Variants in GRID2 observed in about 807,000 individuals in gnomAD.
The protein encoded by GRID2 is glutamate ionotropic receptor delta type subunit 2.
Under a neutral mutation model 114.8 loss-of-function variants are expected in GRID2, and 33 were observed. The observed-to-expected ratio is 0.29, with a 90% CI of 0.22 to 0.38. The LOEUF (loss-of-function observed/expected upper bound fraction) is 0.38. Ranked by LOEUF, GRID2 falls within the 10% of genes least tolerant of loss-of-function variation. The pLI is 1.00. For missense variants in GRID2, 1,184 were observed against 1,257.7 expected (o/e 0.94, Z 0.89); for synonymous variants, 505 against 449.9 (o/e 1.12, Z -1.55).
chr4:92,767,875 C>T (rs1305700318), intron 2 of GRID2, among the ~76,000 whole-genome samples: 2 of 151,548 alleles, frequency 1.3e-5, no homozygotes, highest in African/African-American at 4.9e-5. Flanking sequence ...CTGTGAATAG[C>T]CACTGCACTC....
chr4:92,384,480 T>TATATA (rs1560598769), intron 1 of GRID2, among the ~76,000 whole-genome samples: 4 of 54,022 alleles, frequency 7.4e-5, no homozygotes, highest in Non-Finnish European at 9.5e-5. Context: ...ATATATATAT[T>TATATA]ATTTATATAT....
intron 1 of GRID2, among the ~76,000 whole-genome samples, chr4:93,805,053 A>G (rs1735004636): frequency 6.6e-6 from 1 of 152,210 alleles, no homozygotes; most frequent in Admixed American, 6.6e-5. Context: ...ATTTAACACA[A>G]TTACAGTAAT....
At chr4:93,452,421 A>T (rs1166447416) in intron 10 of GRID2, among the ~76,000 whole-genome samples, 1 of 152,172 alleles carries the variant, frequency 6.6e-6, no homozygotes, top group African/African-American at 2.4e-5. Context: ...TGGAGTAACC[A>T]GAGAGTAGAG....
At chr4:93,153,331 G>A (rs367889032) in intron 4 of GRID2, among the ~76,000 whole-genome samples, 4 of 151,958 alleles carry the variant, frequency 2.6e-5, no homozygotes, top group South Asian at 2.1e-4. Context: ...GCATTGAATC[G>A]GACTTTCATT....
chr4:92,883,944 C>T (rs1298164545), intron 2 of GRID2, among the ~76,000 whole-genome samples: 1 of 152,164 alleles, frequency 6.6e-6, no homozygotes, highest in Non-Finnish European at 1.5e-5. Flanking sequence ...TCATTAGTCC[C>T]TAATAAGAGA....
intron 4 of GRID2, among the ~76,000 whole-genome samples, chr4:93,143,862 C>T (rs1735969239): frequency 6.6e-6 from 1 of 152,072 alleles, no homozygotes; most frequent in Non-Finnish European, 1.5e-5. Context: ...ATTTGCATTG[C>T]ATATGAGCCA....
At chr4:93,607,873 T>G (rs990504437) in intron 13 of GRID2, among the ~76,000 whole-genome samples, 1 of 152,072 alleles carries the variant, frequency 6.6e-6, no homozygotes, top group African/African-American at 2.4e-5. Flanking sequence ...GCTATTCTTT[T>G]CTAGTTAAAT....
chr4:93,188,868 C>G (rs1377415944), intron 4 of GRID2, among the ~76,000 whole-genome samples: 1 of 152,118 alleles, frequency 6.6e-6, no homozygotes, highest in Non-Finnish European at 1.5e-5. Flanking sequence ...CAAGAATCAC[C>G]TTTCCTCAAG....
chr4:93,790,104 C>T (rs1307318977), intron 1 of GRID2, among the ~76,000 whole-genome samples: 2 of 111,522 alleles, frequency 1.8e-5, no homozygotes, highest in East Asian at 6.1e-4. Flanking sequence ...CCCCATCTGT[C>T]ACCCCCACCC....
At chr4:93,416,904 A>T (rs1767770069) in intron 9 of GRID2, among the ~76,000 whole-genome samples, 1 of 152,100 alleles carries the variant, frequency 6.6e-6, no homozygotes. Flanking sequence ...ACTTAGATTG[A>T]TAAACCACAG....
rs796967580 is a variant in GRID2, at chr4:93,017,806, GAAAA to G, written c.245-67176_245-67173del. On this transcript the variant is annotated intron_variant, in intron 2 of 15. Coordinates refer to ENST00000282020, the MANE Select transcript of GRID2 (RefSeq NM_001510.4). The stretch of plus-strand genomic sequence containing the variant: ...AGGACAGAGCAAGGCTCCTTTTCAA[GAAAA>G]AAAAAAAAAAAAGAAAAGAAAAGAA... 8.0e-3 allele frequency among the ~76,000 whole-genome samples: 392 copies of G among 49,306 alleles called. 3 individuals carry two copies. Among genetic ancestry groups the G allele is most frequent in the African/African-American group, 0.026 (372 of 14,296 alleles). The allele number at this position is 49,306 out of a possible 152,430, so 32.3% of individuals were successfully genotyped here. A position where few individuals can be genotyped will look rare whatever the true frequency, so the allele number is the denominator to read the frequency against.
intron 1 of GRID2, among the ~76,000 whole-genome samples, chr4:92,446,096 T>C (rs1284722881): frequency 1.3e-5 from 2 of 152,030 alleles, no homozygotes; most frequent in East Asian, 3.9e-4. Flanking sequence ...CAGGGTTACG[T>C]CACCATGCCC....
intron 1 of GRID2, among the ~76,000 whole-genome samples, chr4:92,498,514 T>C (rs1005625662): frequency 1.3e-5 from 2 of 151,958 alleles, no homozygotes; most frequent in Non-Finnish European, 2.9e-5. Context: ...ATAAGGTTTT[T>C]AATTTTAAAA....
intron 1 of GRID2, among the ~76,000 whole-genome samples, chr4:92,408,534 T>C (rs1190442513): frequency 2.7e-5 from 4 of 149,896 alleles, no homozygotes; most frequent in Non-Finnish European, 4.4e-5. Flanking sequence ...GGTATTTTGA[T>C]AGGGAGAGTG....
chr4:92,750,021 C>G lies in GRID2; in HGVS notation c.244+159735C>G, dbSNP rs145436604. ...GGATTACAGGCATACGCCACCAAGC[C>G]CAGCTAATTTGGTATTTTTAGTAGA... is the stretch of plus-strand genomic sequence containing the variant. On this transcript the variant is annotated intron_variant, in intron 2 of 15. Transcript: ENST00000282020. Among the ~76,000 whole-genome samples, 1,204 of 152,212 alleles carry G rather than the reference C, an allele frequency of 7.9e-3. 12 individuals are homozygous for G. Among genetic ancestry groups the G allele is most frequent in the African/African-American group, 0.028 (1,147 of 41,540 alleles).
At chr4:92,751,333 T>C (rs1289990446) in intron 2 of GRID2, among the ~76,000 whole-genome samples, 1 of 152,122 alleles carries the variant, frequency 6.6e-6, no homozygotes, top group Non-Finnish European at 1.5e-5. Flanking sequence ...AAATAAAAAA[T>C]AGCCATCTTT....
At chr4:92,406,912 T>A (rs1731055378) in intron 1 of GRID2, among the ~76,000 whole-genome samples, 1 of 151,894 alleles carries the variant, frequency 6.6e-6, no homozygotes, top group Non-Finnish European at 1.5e-5. Flanking sequence ...CATGTATTAA[T>A]CCGTTCTCAC....
intron 2 of GRID2, among the ~76,000 whole-genome samples, chr4:93,031,671 A>G (rs1185256938): frequency 6.6e-6 from 1 of 152,076 alleles, no homozygotes; most frequent in African/African-American, 2.4e-5. Flanking sequence ...CCACCATGTA[A>G]GATGATGTCC....
intron 1 of GRID2, among the ~76,000 whole-genome samples, chr4:92,536,673 A>T (rs1725650675): frequency 1.3e-5 from 2 of 152,278 alleles, no homozygotes; most frequent in Non-Finnish European, 2.9e-5. Flanking sequence ...TTGCTATTTT[A>T]GTTCTTTCCT....
Sources: gnomAD v4.1 joint callset for allele counts (sites outside exome capture counted in the v4.1 genomes callset) on GRCh38, gnomAD v4.1.1 for gene constraint, MANE v1.5 for transcripts, NCBI Gene and HGNC (gene_info 2026-07-23, HGNC 2026-07-21) for gene names.